The following TBC1D5 variants were observed in gnomAD, a reference collection of about 807,000 sequenced individuals.
TBC1D5 encodes the protein TBC1 domain family member 5.
TBC1D5 carries 75 observed loss-of-function variants against 100.3 expected under a neutral mutation model. The observed-to-expected ratio is 0.75, with a 90% CI of 0.62 to 0.91. The LOEUF (loss-of-function observed/expected upper bound fraction) is 0.91, where lower values mean the gene tolerates loss of function less well. Among genes scored for constraint, TBC1D5 ranks in the 40% least tolerant of loss-of-function variants. The probability of loss-of-function intolerance (pLI) is 0.00; values close to 1 mark genes in which losing one functional copy is unlikely to be tolerated. For synonymous variants in TBC1D5, 323 were observed against 325.6 expected (o/e 0.99, Z 0.09); for missense variants, 910 against 942.4 (o/e 0.97, Z 0.45).
At position 17,668,466 on chromosome 3, in the gene TBC1D5, G is replaced by T. The variant is rs375558184; in HGVS notation, c.-100-44553C>A. Among the ~76,000 whole-genome samples the T allele has an allele frequency of 2.0e-4, 30 of 152,066 alleles. No homozygotes were observed. The East Asian group carries it at 2.5e-3, about 13-fold the overall frequency. On this transcript the variant is annotated intron_variant, in intron 1 of 21. Transcript: ENST00000253692. ...CTAAATCTCTTGAGGTGTATAACAA[G>T]CTATACAGAATTACTAAAGTAATAA...
At chr3:17,469,347 C>G (rs1258784756) in intron 3 of TBC1D5, among the ~76,000 whole-genome samples, 2 of 152,062 alleles carry the variant, frequency 1.3e-5, no homozygotes, top group Non-Finnish European at 2.9e-5. Flanking sequence ...TTTCTTATGA[C>G]CATACATCAT....
At chr3:17,176,548 G>C (rs1188433035) in intron 19 of TBC1D5, among the ~76,000 whole-genome samples, 1 of 152,128 alleles carries the variant, frequency 6.6e-6, no homozygotes, top group Non-Finnish European at 1.5e-5. Flanking sequence ...ACTAACACAG[G>C]AACAGAAAAC....
At chr3:17,664,700 G>A (rs1438828871) in intron 1 of TBC1D5, among the ~76,000 whole-genome samples, 1 of 152,158 alleles carries the variant, frequency 6.6e-6, no homozygotes, top group East Asian at 1.9e-4. Flanking sequence ...CACATTATAG[G>A]ACAAAAGAAA....
At chr3:17,430,436 TTTTA>T (rs1559869968) in intron 3 of TBC1D5, among the ~76,000 whole-genome samples, 1 of 151,768 alleles carries the variant, frequency 6.6e-6, no homozygotes, top group Non-Finnish European at 1.5e-5. Flanking sequence ...ATTATAAAGG[TTTTA>T]TTTAATTTAA....
chr3:17,228,829 T>C (rs1358679571), intron 17 of TBC1D5, among the ~76,000 whole-genome samples: 4 of 152,064 alleles, frequency 2.6e-5, no homozygotes, highest in Middle Eastern at 3.2e-3. Flanking sequence ...GTGTGCTCTA[T>C]GTCATTGGAG....
At chr3:17,329,177 C>G (rs920778335) in intron 13 of TBC1D5, among the ~76,000 whole-genome samples, 5 of 152,288 alleles carry the variant, frequency 3.3e-5, no homozygotes, top group Admixed American at 2.6e-4. Flanking sequence ...GGAGACAACT[C>G]ACTTAGGTCC....
intron 20 of TBC1D5, 66 bp from the exon 22 acceptor site, chr3:17,166,994 ATC>A: frequency 2.1e-6 from 3 of 1,444,058 alleles, no homozygotes; most frequent in Non-Finnish European, 2.8e-6. Flanking sequence ...TGCTAGCTAA[ATC>A]TCTCAGACAT....
At chr3:17,546,212 T>A (rs1394275325) in intron 2 of TBC1D5, among the ~76,000 whole-genome samples, 1 of 152,170 alleles carries the variant, frequency 6.6e-6, no homozygotes, top group African/African-American at 2.4e-5. Flanking sequence ...TGTAGCTGCC[T>A]CATAAAAAAC....
chr3:17,475,514 T>A (rs76130312), intron 3 of TBC1D5, among the ~76,000 whole-genome samples: 1 of 152,128 alleles, frequency 6.6e-6, no homozygotes, highest in Non-Finnish European at 1.5e-5. Flanking sequence ...GGAATCTTTC[T>A]AGATAAATCT....
At chr3:17,355,588 T>A (rs2091136184) in intron 13 of TBC1D5, among the ~76,000 whole-genome samples, 1 of 152,138 alleles carries the variant, frequency 6.6e-6, no homozygotes, top group Admixed American at 6.6e-5. Flanking sequence ...ACATTTAACA[T>A]CAATTTTCAT....
At chr3:17,693,419 A>G (rs1286798966) in intron 1 of TBC1D5, among the ~76,000 whole-genome samples, 1 of 152,188 alleles carries the variant, frequency 6.6e-6, no homozygotes, top group Non-Finnish European at 1.5e-5. Flanking sequence ...ACCGGCAGAC[A>G]AGGAGATTCT....
intron 14 of TBC1D5, among the ~76,000 whole-genome samples, chr3:17,300,072 G>GT (rs2082677609): frequency 6.6e-6 from 1 of 152,072 alleles, no homozygotes. Context: ...AACAGACAAT[G>GT]TGCTACTATG....
At chr3:17,637,904 A>G (rs888492311) in intron 1 of TBC1D5, among the ~76,000 whole-genome samples, 56 of 152,204 alleles carry the variant, frequency 3.7e-4, no homozygotes, top group African/African-American at 1.3e-3. Flanking sequence ...GCACAAAAAT[A>G]TATATACAAT....
chr3:17,678,788 T>C (rs2069040311), intron 1 of TBC1D5, among the ~76,000 whole-genome samples: 1 of 150,548 alleles, frequency 6.6e-6, no homozygotes, highest in Admixed American at 6.6e-5. Context: ...TAAAACCCAT[T>C]CTAAGACATA....
At chr3:17,687,327 A>G (rs557565640) in intron 1 of TBC1D5, among the ~76,000 whole-genome samples, 61 of 152,276 alleles carry the variant, frequency 4.0e-4, no homozygotes, top group African/African-American at 1.4e-3. Flanking sequence ...GGTGGCTCAC[A>G]CCTGTAATCC....
intron 3 of TBC1D5, 41 bp from the exon 4 acceptor site, chr3:17,428,560 C>A: frequency 1.7e-6 from 2 of 1,147,144 alleles, no homozygotes; most frequent in African/African-American, 1.6e-5. Context: ...TGGAGATAAA[C>A]TGAATATTTC....
At chr3:17,305,444 A>G (rs2083302797) in intron 14 of TBC1D5, among the ~76,000 whole-genome samples, 1 of 152,230 alleles carries the variant, frequency 6.6e-6, no homozygotes, top group Non-Finnish European at 1.5e-5. Context: ...GGTGTAAACC[A>G]AGACTATCCC....
rs541930705 is a variant in TBC1D5, at chr3:17,642,944, C to T, written c.-100-19031G>A. ...AGGTTTTTCTAATGAAAACACCATA[C>T]ATAGCTATATTACAGTTATTAAAAT... On this transcript the variant is annotated intron_variant, in intron 1 of 21. Transcript: ENST00000253692. 1.5e-4 allele frequency among the ~76,000 whole-genome samples: 23 copies of T among 152,210 alleles called. 1 individual carries two copies. In the South Asian group the frequency reaches 4.8e-3, roughly 32 times the overall value.
rs534376948 is a variant in TBC1D5, at chr3:17,693,990, G to A, written c.-101+45353C>T. Among the ~76,000 whole-genome samples, 11 of 152,312 alleles carry A rather than the reference G, an allele frequency of 7.2e-5. No individual in the cohort carries two copies. In the South Asian group the frequency reaches 2.1e-3, roughly 29 times the overall value. On this transcript the variant is annotated intron_variant, in intron 1 of 21. Transcript: ENST00000253692. ...ACCTCCAGCAAACTCCAACAGACCTGCAGCTGAGGGACCTGACTGTTAGAA... is the reference window on the plus strand; with the variant it reads ...ACCTCCAGCAAACTCCAACAGACCTACAGCTGAGGGACCTGACTGTTAGAA...
Sources: gnomAD v4.1 joint callset for allele counts (sites outside exome capture counted in the v4.1 genomes callset) on GRCh38, gnomAD v4.1.1 for gene constraint, MANE v1.5 for transcripts, NCBI Gene and HGNC (gene_info 2026-07-23, HGNC 2026-07-21) for gene names.